The following ZFAND3 variants were observed in gnomAD, a reference collection of about 807,000 sequenced individuals.
The protein encoded by ZFAND3 is AN1-type zinc finger protein 3.
ZFAND3 carries 10 observed loss-of-function variants against 29.6 expected under a neutral mutation model. The observed-to-expected ratio is 0.34, with a 90% CI of 0.21 to 0.57. The LOEUF (loss-of-function observed/expected upper bound fraction) is 0.57. Among genes scored for constraint, ZFAND3 ranks in the 20% least tolerant of loss-of-function variants. The pLI is 0.86. For synonymous variants in ZFAND3, 128 were observed against 112.6 expected, an observed-to-expected ratio of 1.14 and a Z score of -0.87; for missense variants, 230 against 304.5, an observed-to-expected ratio of 0.76 and a Z score of 1.82.
chr6:37,996,645 T>C (rs1666789885), intron 2 of ZFAND3, among the ~76,000 whole-genome samples: 1 of 152,184 alleles, frequency 6.6e-6, no homozygotes, highest in Non-Finnish European at 1.5e-5. Flanking sequence ...CATTAACTTT[T>C]CTTCAGACTA....
chr6:37,888,426 A>G (rs1765033736), intron 1 of ZFAND3, among the ~76,000 whole-genome samples: 1 of 152,246 alleles, frequency 6.6e-6, no homozygotes, highest in South Asian at 2.1e-4. Flanking sequence ...CATTATCAAT[A>G]GGAATACATA....
At chr6:37,847,600 A>T (rs1764205665) in intron 1 of ZFAND3, among the ~76,000 whole-genome samples, 1 of 152,132 alleles carries the variant, frequency 6.6e-6, no homozygotes, top group Admixed American at 6.6e-5. Flanking sequence ...TACTATTGAT[A>T]CACAGAAAGT....
At chr6:37,929,810 G>T in intron 1 of ZFAND3, 149 bp from the exon 2 acceptor site, 1 of 555,042 alleles carries the variant, frequency 1.8e-6, no homozygotes, top group Non-Finnish European at 2.9e-6. Flanking sequence ...GTGGTGGCTA[G>T]CTAGGGACTT....
chr6:38,130,549 T>C (rs1705036203), intron 5 of ZFAND3, among the ~76,000 whole-genome samples: 1 of 152,256 alleles, frequency 6.6e-6, no homozygotes, highest in African/African-American at 2.4e-5. Context: ...TGAATGCTTT[T>C]TCTGCATCTA....
chr6:37,990,471 A>G (rs893419749), intron 2 of ZFAND3, among the ~76,000 whole-genome samples: 1 of 152,178 alleles, frequency 6.6e-6, no homozygotes. Context: ...AAGTGCTCCT[A>G]ATAAATATGA....
intron 1 of ZFAND3, among the ~76,000 whole-genome samples, chr6:37,914,048 T>C (rs1182024115): frequency 1.3e-5 from 2 of 152,144 alleles, no homozygotes; most frequent in Non-Finnish European, 2.9e-5. Context: ...TTATGAAATG[T>C]ATTTCTTAAT....
chr6:37,983,318 C>G (rs990411271), intron 2 of ZFAND3, among the ~76,000 whole-genome samples: 1 of 143,900 alleles, frequency 6.9e-6, no homozygotes, highest in African/African-American at 2.6e-5. Context: ...TGGTAAGTGT[C>G]CTATACAGGT....
intron 2 of ZFAND3, among the ~76,000 whole-genome samples, chr6:37,997,700 C>T (rs546083754): frequency 6.6e-6 from 1 of 152,200 alleles, no homozygotes; most frequent in African/African-American, 2.4e-5. Flanking sequence ...GGGCCATGAC[C>T]ACTGTTTCAT....
At chr6:37,970,051 C>T (rs961878053) in intron 2 of ZFAND3, among the ~76,000 whole-genome samples, 1 of 151,880 alleles carries the variant, frequency 6.6e-6, no homozygotes, top group African/African-American at 2.4e-5. Context: ...TCGCTTGAAC[C>T]CAGAAGGCAG....
At chr6:38,060,816 T>C (rs144425458) in intron 2 of ZFAND3, among the ~76,000 whole-genome samples, 11 of 152,250 alleles carry the variant, frequency 7.2e-5, no homozygotes, top group African/African-American at 1.9e-4. Flanking sequence ...ACTTGGGAGA[T>C]TGGCTACAGG....
chr6:37,837,479 A>G lies in ZFAND3; in HGVS notation c.71+17463A>G, dbSNP rs180945244. On this transcript the variant is annotated intron_variant, in intron 1 of 5. Coordinates refer to ENST00000287218, the MANE Select transcript of ZFAND3 (RefSeq NM_021943.3). ...CATTGGAACTGTGTAATCAGAGACA[A>G]TGGGTCCTTTTAATGTATAGATAGT... Among the ~76,000 whole-genome samples, 561 of 150,666 alleles carry G rather than the reference A, an allele frequency of 3.7e-3. 13 individuals are homozygous for G. The highest frequency in any genetic ancestry group is 0.034 in the Admixed American group (512 of 15,150).
intron 2 of ZFAND3, among the ~76,000 whole-genome samples, chr6:38,015,318 T>G (rs1763234506): frequency 6.6e-6 from 1 of 152,190 alleles, no homozygotes; most frequent in Non-Finnish European, 1.5e-5. Context: ...AATTAAAATG[T>G]CTGGCACTGC....
intron 2 of ZFAND3, among the ~76,000 whole-genome samples, chr6:38,016,140 C>A (rs1763248732): frequency 6.6e-6 from 1 of 152,062 alleles, no homozygotes; most frequent in South Asian, 2.1e-4. Flanking sequence ...GTCAAATATA[C>A]CTGGATTAAA....
chr6:38,098,695 C>G (rs7751390), intron 4 of ZFAND3, among the ~76,000 whole-genome samples: 95,524 of 151,340 alleles, frequency 0.63, 30,893 homozygotes, highest in African/African-American at 0.75. Flanking sequence ...TAGAGACAGG[C>G]GTTTCACTGT....
chr6:38,029,876 C>CATA (rs1763518239), intron 2 of ZFAND3, among the ~76,000 whole-genome samples: 1 of 151,796 alleles, frequency 6.6e-6, no homozygotes, highest in African/African-American at 2.4e-5. Context: ...TTGTTTTAAG[C>CATA]TTTTACTGAT....
At chr6:38,148,196 A>C (rs1427153605) in intron 5 of ZFAND3, among the ~76,000 whole-genome samples, 1 of 152,202 alleles carries the variant, frequency 6.6e-6, no homozygotes, top group African/African-American at 2.4e-5. Flanking sequence ...TTCTCTGAGC[A>C]CCATTTATTG....
Position 37,904,836 on chromosome 6 carries a change from C to A in ZFAND3, c.72-25123C>A, listed in dbSNP as rs1029782543. On this transcript the variant is annotated intron_variant, in intron 1 of 5. Transcript: ENST00000287218. ...CCTGGCACATAATGTGGATGTCAGT[C>A]AATGTTGGATTTACTTGTGCTTGTT... Among the ~76,000 whole-genome samples, 10 of 152,242 alleles carry A rather than the reference C, an allele frequency of 6.6e-5. No homozygotes were observed. In the East Asian group the frequency reaches 1.7e-3, roughly 26 times the overall value.
intron 3 of ZFAND3, among the ~76,000 whole-genome samples, chr6:38,070,333 A>G (rs1764427266): frequency 6.6e-6 from 1 of 152,076 alleles, no homozygotes; most frequent in Admixed American, 6.5e-5. Flanking sequence ...CTGAGGCAGG[A>G]GAATCGCTTG....
chr6:38,087,429 A>G (rs896051978), intron 4 of ZFAND3, among the ~76,000 whole-genome samples: 2 of 152,238 alleles, frequency 1.3e-5, no homozygotes, highest in South Asian at 2.1e-4. Context: ...AAATATTTGC[A>G]AACTACTCAT....
Sources: allele counts gnomAD v4.1 joint callset (sites outside exome capture counted in the v4.1 genomes callset), GRCh38; gene constraint gnomAD v4.1.1; transcripts MANE v1.5; gene names NCBI Gene and HGNC (gene_info 2026-07-23, HGNC 2026-07-21).